The following KIF1B variants were observed in gnomAD, a reference collection of about 807,000 sequenced individuals.
KIF1B encodes the protein kinesin family member 1B, also known as kinesin-like protein KIF1B.
In KIF1B, 76 loss-of-function variants were observed where a neutral mutation model predicts 241.9. The ratio of observed to expected loss-of-function variants is 0.31; its 90% CI spans 0.26 to 0.38. The LOEUF is 0.38. KIF1B is among the 10% of genes least tolerant of loss of function. The pLI, the probability that KIF1B is intolerant of heterozygous loss-of-function variation, is 1.00. For missense variants in KIF1B, 1,622 were observed against 2,271.4 expected (o/e 0.71, Z 5.81); for synonymous variants, 750 against 796.7 (o/e 0.94, Z 0.99).
In KIF1B at chr1:10,296,559, T is replaced by C. The variant is rs1337168809; in HGVS notation, c.1778-23T>C. On this transcript the variant is annotated intron_variant, in intron 19 of 48. Coordinates refer to ENST00000676179, the MANE Select transcript of KIF1B (RefSeq NM_001365951.3). ...TTCCAATAGTTTGTAATGATAACAT[T>C]AGTTTGTGTTTGTTCCTCTTAGTTA... is the stretch of plus-strand genomic sequence containing the variant. 3.2e-6 allele frequency: 5 copies of C among 1,575,636 alleles called. No homozygotes were observed. In the Admixed American group the frequency reaches 6.7e-5, roughly 21 times the overall value.
In KIF1B at chr1:10,296,676, G is replaced by A. The variant is rs1445439242; in HGVS notation, c.1861+11G>A. The A allele has an allele frequency of 6.2e-7, 1 of 1,612,536 alleles. No individual in the cohort carries two copies. The highest frequency in any genetic ancestry group is 1.1e-5 in the South Asian group (1 of 90,978). On this transcript the variant is annotated intron_variant, in intron 20 of 48. Coordinates refer to ENST00000676179, the MANE Select transcript of KIF1B (RefSeq NM_001365951.3). ...TTCAGCTGCGCTCAGGTGAGACTGG[G>A]AGAGGTTTGCCATCTTCAGCAATGT...
At chr1:10,329,504 G>A (rs1379346639) in intron 27 of KIF1B, among the ~76,000 whole-genome samples, 1 of 152,186 alleles carries the variant, frequency 6.6e-6, no homozygotes, top group African/African-American at 2.4e-5. Flanking sequence ...GGAGGCCGAG[G>A]TGGGCAGATC....
chr1:10,215,166 ATATATATTTTTTTT>A (rs1200485102), intron 1 of KIF1B, among the ~76,000 whole-genome samples: 6 of 57,626 alleles, frequency 1.0e-4, no homozygotes, highest in African/African-American at 5.5e-4. Flanking sequence ...ATATATATAT[ATATATATTTTTTTT>A]TTTTTTTTTT....
At chr1:10,232,753 T>C (rs1293019956) in intron 2 of KIF1B, among the ~76,000 whole-genome samples, 6 of 152,316 alleles carry the variant, frequency 3.9e-5, no homozygotes, top group Middle Eastern at 6.8e-3. Context: ...ATGTGAAATA[T>C]ACCTATCGAG....
chr1:10,297,386 A>T, intron 22 of KIF1B, 140 bp downstream of exon 22: 1 of 821,118 alleles, frequency 1.2e-6, no homozygotes, highest in Admixed American at 1.9e-5. Context: ...CTTAATGGAG[A>T]ATGAACTTAA....
intron 22 of KIF1B, among the ~76,000 whole-genome samples, chr1:10,302,069 C>T (rs188021515): frequency 6.6e-6 from 1 of 152,274 alleles, no homozygotes; most frequent in Admixed American, 6.5e-5. Flanking sequence ...GAAGAGTTGT[C>T]ACTTAAAGTG....
chr1:10,313,232 A>AT (rs1651144194), intron 22 of KIF1B, among the ~76,000 whole-genome samples: 1 of 150,582 alleles, frequency 6.6e-6, no homozygotes, highest in Admixed American at 6.6e-5. Flanking sequence ...CGCCCTACTT[A>AT]TTTTTTTGTA....
intron 4 of KIF1B, among the ~76,000 whole-genome samples, chr1:10,258,963 G>A (rs1445027345): frequency 3.3e-5 from 5 of 152,156 alleles, no homozygotes; most frequent in Non-Finnish European, 7.4e-5. Flanking sequence ...GCTTGTTAAA[G>A]CTCTGTTCTA....
At chr1:10,214,520 C>A (rs1646736892) in intron 1 of KIF1B, among the ~76,000 whole-genome samples, 1 of 150,978 alleles carries the variant, frequency 6.6e-6, no homozygotes, top group South Asian at 2.1e-4. Flanking sequence ...GAACTCCTGA[C>A]CTTCTGATCC....
intron 27 of KIF1B, among the ~76,000 whole-genome samples, chr1:10,327,843 T>C (rs1311604499): frequency 6.6e-6 from 1 of 152,216 alleles, no homozygotes; most frequent in Non-Finnish European, 1.5e-5. Context: ...CAGTGTTAAA[T>C]GGATGAGTAC....
At chr1:10,367,929 A>C (rs148564901) in intron 43 of KIF1B, among the ~76,000 whole-genome samples, 2 of 151,854 alleles carry the variant, frequency 1.3e-5, no homozygotes, top group African/African-American at 4.8e-5. Context: ...GGGTTTCACC[A>C]TGTTGGCCAG....
At chr1:10,358,102 C>CAAAAAA (rs541043240) in intron 38 of KIF1B, among the ~76,000 whole-genome samples, 3 of 85,132 alleles carry the variant, frequency 3.5e-5, no homozygotes, top group African/African-American at 3.6e-5. Flanking sequence ...AAGTCCAAAG[C>CAAAAAA]AAAAAAAAAA....
chr1:10,216,632 T>C (rs1488252599), intron 1 of KIF1B, among the ~76,000 whole-genome samples: 1 of 152,076 alleles, frequency 6.6e-6, no homozygotes, highest in Non-Finnish European at 1.5e-5. Context: ...CTGTCTTTGG[T>C]CCCTGTCGGA....
chr1:10,266,969 AT>A (rs1057416133), intron 5 of KIF1B, among the ~76,000 whole-genome samples: 1 of 150,728 alleles, frequency 6.6e-6, no homozygotes, highest in Non-Finnish European at 1.5e-5. Context: ...AGTTAAAAAA[AT>A]TTTTTTTCTG....
intron 22 of KIF1B, chr1:10,304,166 A>G: frequency 6.2e-7 from 1 of 1,614,202 alleles, no homozygotes; most frequent in Non-Finnish European, 8.5e-7. Flanking sequence ...CCAAAAGACG[A>G]TGAAGCAAGG....
At chr1:10,264,021 T>C (rs889883913) in intron 5 of KIF1B, among the ~76,000 whole-genome samples, 1 of 152,246 alleles carries the variant, frequency 6.6e-6, no homozygotes, top group Non-Finnish European at 1.5e-5. Flanking sequence ...ACTAAGTTTC[T>C]CACGTTCTTC....
Position 10,326,253 on chromosome 1 carries a change from G to A in KIF1B, c.2818G>A (p.Val940Met), listed in dbSNP as rs764144206. 2.4e-5 allele frequency: 38 copies of A among 1,614,076 alleles called. No homozygotes were observed. The South Asian group carries it at 2.4e-4, about 10-fold the overall frequency. Residue 940 changes from valine (V) to methionine (M), a missense_variant, in exon 27 of 49, where the codon GTG (valine) becomes ATG (methionine). Transcript: ENST00000676179. This position sits in a 1 kb window ranked among gnomAD's most constrained non-coding sequence, Gnocchi z 5.2. Reference protein sequence around the residue: ...EMEDFDDEAFVDDAGSDAGTE... With the variant: ...EMEDFDDEAFMDDAGSDAGTE... ...GGAGGATTTTGATGATGAGGCATTC[G>A]TGGATGACGCCGGCTCTGACGCAGG...
chr1:10,344,524 G>A (rs1389452837), intron 34 of KIF1B, among the ~76,000 whole-genome samples: 4 of 152,144 alleles, frequency 2.6e-5, no homozygotes, highest in African/African-American at 4.8e-5. Context: ...CTTTGCATTT[G>A]TTTTTATGGA....
intron 1 of KIF1B, among the ~76,000 whole-genome samples, chr1:10,229,058 CA>C (rs1646945359): frequency 6.6e-6 from 1 of 152,054 alleles, no homozygotes; most frequent in Non-Finnish European, 1.5e-5. Context: ...GGGGAGGTTG[CA>C]ATGTGTTTTA....
Sources: allele counts gnomAD v4.1 joint callset (sites outside exome capture counted in the v4.1 genomes callset), GRCh38; gene constraint gnomAD v4.1.1; non-coding constraint Gnocchi (gnomAD v3.1); transcripts MANE v1.5; gene names NCBI Gene and HGNC (gene_info 2026-07-23, HGNC 2026-07-21).